The following DPP10 variants were observed in gnomAD, a reference collection of about 807,000 sequenced individuals.
DPP10 encodes inactive dipeptidyl peptidase 10.
A neutral mutation model predicts 120.9 loss-of-function variants in DPP10; 33 were observed. The observed-to-expected ratio is 0.27, with a 90% CI of 0.21 to 0.37. The LOEUF is 0.37. DPP10 is among the 10% of genes least tolerant of loss of function. The pLI, the probability that DPP10 is intolerant of heterozygous loss-of-function variation, is 1.00. For synonymous variants in DPP10, 337 were observed against 326.1 expected, an observed-to-expected ratio of 1.03 and a Z score of -0.36; for missense variants, 816 against 942.8, an observed-to-expected ratio of 0.87 and a Z score of 1.76.
chr2:114,608,000 C>G (rs1482003351), intron 1 of DPP10, among the ~76,000 whole-genome samples: 1 of 152,126 alleles, frequency 6.6e-6, no homozygotes, highest in Non-Finnish European at 1.5e-5. Context: ...GGTCATGAGC[C>G]TCAAGGTTTT....
At chr2:115,165,013 A>G (rs2052726364) in intron 1 of DPP10, among the ~76,000 whole-genome samples, 1 of 152,260 alleles carries the variant, frequency 6.6e-6, no homozygotes, top group Non-Finnish European at 1.5e-5. Flanking sequence ...CATTTACAAA[A>G]TATCTAAAAA....
chr2:115,782,310 G>A, intron 16 of DPP10, 42 bp from the exon 17 acceptor site: 1 of 1,525,570 alleles, frequency 6.6e-7, no homozygotes, highest in Middle Eastern at 1.7e-4. Flanking sequence ...TTATTACTTA[G>A]ACATCTTTAA....
chr2:115,156,204 C>A (rs955252934), intron 1 of DPP10, among the ~76,000 whole-genome samples: 2 of 152,100 alleles, frequency 1.3e-5, no homozygotes, highest in African/African-American at 2.4e-5. Flanking sequence ...CCCTGATATC[C>A]CGAAACTATT....
At chr2:114,490,922 G>A (rs1467999321) in intron 1 of DPP10, among the ~76,000 whole-genome samples, 5 of 152,108 alleles carry the variant, frequency 3.3e-5, no homozygotes, top group Non-Finnish European at 7.4e-5. Flanking sequence ...ATGCTGCCAC[G>A]CTAATAGGGT....
At chr2:115,635,168 G>A (rs112229531) in intron 5 of DPP10, among the ~76,000 whole-genome samples, 4,981 of 150,316 alleles carry the variant, frequency 0.033, 171 homozygotes, top group African/African-American at 0.08. Context: ...GATGGCTGCC[G>A]CCCTTCCCCT....
chr2:114,522,831 A>G (rs1406361928), intron 1 of DPP10, among the ~76,000 whole-genome samples: 1 of 152,190 alleles, frequency 6.6e-6, no homozygotes, highest in East Asian at 1.9e-4. Flanking sequence ...GCAGCAGGCA[A>G]AGAGAGAGAA....
intron 1 of DPP10, among the ~76,000 whole-genome samples, chr2:115,040,317 CTATT>C (rs910255544): frequency 1.3e-5 from 2 of 151,732 alleles, no homozygotes; most frequent in African/African-American, 4.8e-5. Context: ...TCTTCATATC[CTATT>C]TATTTAACCC....
At chr2:114,601,281 A>G (rs1241098609) in intron 1 of DPP10, among the ~76,000 whole-genome samples, 1 of 151,916 alleles carries the variant, frequency 6.6e-6, no homozygotes, top group African/African-American at 2.4e-5. Flanking sequence ...AGGTGCCACC[A>G]AGTCCTCTAA....
At chr2:115,753,790 T>G (rs750337967) in intron 11 of DPP10, among the ~76,000 whole-genome samples, 25 of 152,200 alleles carry the variant, frequency 1.6e-4, no homozygotes, top group Non-Finnish European at 3.5e-4. Flanking sequence ...AGGTTATATT[T>G]CAATTCTTAA....
At chr2:115,583,484 C>T (rs2082115846) in intron 5 of DPP10, among the ~76,000 whole-genome samples, 1 of 152,146 alleles carries the variant, frequency 6.6e-6, no homozygotes, top group South Asian at 2.1e-4. Flanking sequence ...TAGATGGTGC[C>T]TGGATGAGAT....
intron 1 of DPP10, among the ~76,000 whole-genome samples, chr2:115,109,874 C>T (rs549735594): frequency 6.6e-6 from 1 of 152,284 alleles, no homozygotes; most frequent in South Asian, 2.1e-4. Flanking sequence ...TCACCCTAAA[C>T]TTTCAACAAT....
At chr2:115,207,454 C>G (rs981543948) in intron 1 of DPP10, among the ~76,000 whole-genome samples, 6 of 128,706 alleles carry the variant, frequency 4.7e-5, no homozygotes, top group Non-Finnish European at 9.4e-5. Context: ...AAAGCTTTCT[C>G]CTGGCTTGAG....
At chr2:115,028,557 T>C (rs1703629654) in intron 1 of DPP10, among the ~76,000 whole-genome samples, 1 of 152,114 alleles carries the variant, frequency 6.6e-6, no homozygotes. Context: ...AGAATGTATA[T>C]TCTGATACAG....
At chr2:115,424,628 G>T (rs1303691135) in intron 3 of DPP10, among the ~76,000 whole-genome samples, 1 of 151,528 alleles carries the variant, frequency 6.6e-6, no homozygotes. Context: ...TGTCTAGGAG[G>T]GTGTATTTTT....
At chr2:114,622,111 A>G (rs537136865) in intron 1 of DPP10, among the ~76,000 whole-genome samples, 19 of 152,164 alleles carry the variant, frequency 1.2e-4, no homozygotes, top group Admixed American at 1.2e-3. Context: ...TTGAAGAGAC[A>G]GGAGTAGCTG....
At chr2:114,602,763 A>G (rs1446756361) in intron 1 of DPP10, among the ~76,000 whole-genome samples, 2 of 152,070 alleles carry the variant, frequency 1.3e-5, no homozygotes, top group Non-Finnish European at 2.9e-5. Context: ...AAGTGATGTC[A>G]TAAGTCCCTA....
At chr2:114,794,604 C>A in intron 1 of DPP10, among the ~76,000 whole-genome samples, 1 of 152,156 alleles carries the variant, frequency 6.6e-6, no homozygotes, top group East Asian at 1.9e-4. Flanking sequence ...AATTAACAGG[C>A]AAAGTGTGTC....
intron 1 of DPP10, among the ~76,000 whole-genome samples, chr2:114,551,554 TG>T (rs1401454430): frequency 1.3e-5 from 2 of 152,194 alleles, no homozygotes; most frequent in Non-Finnish European, 2.9e-5. Flanking sequence ...AAGTTTCCTC[TG>T]AGCTCCAGCT....
chr2:115,404,054 A>T (rs1317269345), intron 3 of DPP10, among the ~76,000 whole-genome samples: 2 of 152,254 alleles, frequency 1.3e-5, no homozygotes, highest in Non-Finnish European at 2.9e-5. Context: ...CCTGAGTATT[A>T]GACCATTCCC....
Sources: allele counts gnomAD v4.1 joint callset (sites outside exome capture counted in the v4.1 genomes callset), GRCh38; gene constraint gnomAD v4.1.1; transcripts MANE v1.5; gene names NCBI Gene and HGNC (gene_info 2026-07-23, HGNC 2026-07-21).